ENTREP2: variants seen among roughly 807,000 people sequenced by gnomAD.
The protein encoded by ENTREP2 is endosomal transmembrane epsin interactor 2.
At chr15:29,603,201 A>G in the ENTREP2 span, among the ~76,000 whole-genome samples, 1,672 of 152,304 alleles carry the variant, frequency 0.011, 26 homozygotes, top group African/African-American at 0.038. Flanking sequence ...CCTGGGTGGA[A>G]GCAAGGGAGA....
chr15:29,227,049 C>G, the ENTREP2 span, among the ~76,000 whole-genome samples: 1 of 152,202 alleles, frequency 6.6e-6, no homozygotes, highest in Non-Finnish European at 1.5e-5. Context: ...AGACATTTCC[C>G]GAGTTACTGC....
the ENTREP2 span, among the ~76,000 whole-genome samples, chr15:29,282,253 G>T: frequency 1.3e-5 from 2 of 152,128 alleles, no homozygotes; most frequent in African/African-American, 4.8e-5. Flanking sequence ...CACGAGATCT[G>T]ATGGTTTCAT....
At chr15:29,240,238 C>T in the ENTREP2 span, among the ~76,000 whole-genome samples, 1 of 152,108 alleles carries the variant, frequency 6.6e-6, no homozygotes, top group African/African-American at 2.4e-5. Context: ...GAGGCACATG[C>T]CTGTAATCCC....
At chr15:29,662,808 C>A in the ENTREP2 span, among the ~76,000 whole-genome samples, 1 of 152,096 alleles carries the variant, frequency 6.6e-6, no homozygotes, top group African/African-American at 2.4e-5. Context: ...GCAACCTCTG[C>A]CTCCTGGATT....
chr15:29,523,335 C>T, the ENTREP2 span, among the ~76,000 whole-genome samples: 1 of 152,094 alleles, frequency 6.6e-6, no homozygotes, highest in Non-Finnish European at 1.5e-5. Flanking sequence ...GTGAAGAAAA[C>T]AATTCCATTT....
the ENTREP2 span, among the ~76,000 whole-genome samples, chr15:29,242,344 C>G: frequency 6.6e-6 from 1 of 152,086 alleles, no homozygotes; most frequent in East Asian, 1.9e-4. Flanking sequence ...GCTGGGATTA[C>G]AGGCGTGAGC....
At chr15:29,160,392 C>T in the ENTREP2 span, among the ~76,000 whole-genome samples, 29 of 152,212 alleles carry the variant, frequency 1.9e-4, no homozygotes, top group Non-Finnish European at 3.4e-4. Context: ...GAGGAGGCAC[C>T]GAGAGCCAGG....
chr15:29,441,551 C>T, the ENTREP2 span, among the ~76,000 whole-genome samples: 8 of 152,160 alleles, frequency 5.3e-5, no homozygotes, highest in Admixed American at 1.3e-4. Context: ...GACAGTTATG[C>T]GCACGTGTGT....
the ENTREP2 span, among the ~76,000 whole-genome samples, chr15:29,547,988 C>G: frequency 0.015 from 2,210 of 152,186 alleles, 53 homozygotes; most frequent in African/African-American, 0.051. Flanking sequence ...AGGACAAATA[C>G]TGTATGATTC....
chr15:29,293,344 G>A, the ENTREP2 span, among the ~76,000 whole-genome samples: 1 of 151,944 alleles, frequency 6.6e-6, no homozygotes, highest in Non-Finnish European at 1.5e-5. Flanking sequence ...TCCACCTCCT[G>A]GGTTCACGCC....
At chr15:29,237,568 G>C in the ENTREP2 span, among the ~76,000 whole-genome samples, 1 of 152,114 alleles carries the variant, frequency 6.6e-6, no homozygotes, top group African/African-American at 2.4e-5. Flanking sequence ...AAGATGCTTG[G>C]AATCATTAGT....
At chr15:29,526,763 C>T in the ENTREP2 span, among the ~76,000 whole-genome samples, 1 of 152,064 alleles carries the variant, frequency 6.6e-6, no homozygotes, top group Admixed American at 6.5e-5. Context: ...AGCCACTGTG[C>T]CCAGCCTGGA....
At chr15:29,264,761 G>A in the ENTREP2 span, among the ~76,000 whole-genome samples, 1 of 152,128 alleles carries the variant, frequency 6.6e-6, no homozygotes, top group Non-Finnish European at 1.5e-5. Context: ...CAACTTTTCT[G>A]TAAATTTGAG....
chr15:29,522,572 A>G, the ENTREP2 span, among the ~76,000 whole-genome samples: 1 of 152,180 alleles, frequency 6.6e-6, no homozygotes, highest in South Asian at 2.1e-4. Context: ...CGGTAAGAAC[A>G]GGTGAGCTTT....
the ENTREP2 span, among the ~76,000 whole-genome samples, chr15:29,542,249 A>G: frequency 7.2e-5 from 11 of 152,172 alleles, no homozygotes; most frequent in East Asian, 2.1e-3. Context: ...TCCCGACCTC[A>G]GGTGATCCAC....
chr15:29,494,141 C>A, the ENTREP2 span, among the ~76,000 whole-genome samples: 1 of 151,464 alleles, frequency 6.6e-6, no homozygotes, highest in Non-Finnish European at 1.5e-5. Context: ...AGAATGATTA[C>A]ATATAAAATT....
chr15:29,546,918 G>A, the ENTREP2 span, among the ~76,000 whole-genome samples: 1 of 145,072 alleles, frequency 6.9e-6, no homozygotes, highest in Non-Finnish European at 1.5e-5. Flanking sequence ...AAAAAAAACG[G>A]ATACAATTAG....
chr15:29,251,744 CTTT>C, the ENTREP2 span, among the ~76,000 whole-genome samples: 3 of 97,858 alleles, frequency 3.1e-5, no homozygotes, highest in African/African-American at 8.4e-5. Context: ...TTTTTTGTGA[CTTT>C]TTTTTTTTTT....
chr15:29,301,010 T>C, the ENTREP2 span, among the ~76,000 whole-genome samples: 3 of 152,238 alleles, frequency 2.0e-5, no homozygotes, highest in Admixed American at 6.5e-5. Flanking sequence ...AAAAACACTA[T>C]TCATAATGGA....
Sources: gnomAD v4.1 joint callset for allele counts (sites outside exome capture counted in the v4.1 genomes callset) on GRCh38, gnomAD v4.1.1 for gene constraint, MANE v1.5 for transcripts, NCBI Gene and HGNC (gene_info 2026-07-23, HGNC 2026-07-21) for gene names.